Variants in BTBD9 observed in about 807,000 individuals in gnomAD.
BTBD9 encodes BTB/POZ domain-containing protein 9.
A neutral mutation model predicts 64.3 loss-of-function variants in BTBD9; 49 were observed. The observed-to-expected ratio is 0.76, with a 90% CI of 0.61 to 0.97. The LOEUF (loss-of-function observed/expected upper bound fraction) is 0.97, where lower values mean the gene tolerates loss of function less well. Among genes scored for constraint, BTBD9 ranks in the 50% least tolerant of loss-of-function variants. The pLI, the probability that BTBD9 is intolerant of heterozygous loss-of-function variation, is 0.00. For missense variants in BTBD9, 598 were observed against 762.1 expected (o/e 0.78, Z 2.53); for synonymous variants, 260 against 274.7 (o/e 0.95, Z 0.53).
intron 9 of BTBD9, among the ~76,000 whole-genome samples, chr6:38,219,160 G>A (rs12529640): frequency 3.0e-5 from 4 of 131,810 alleles, no homozygotes; most frequent in Non-Finnish European, 6.2e-5. Flanking sequence ...TTTTGAGACC[G>A]AGTCTTGCTC....
At chr6:38,409,179 G>A (rs918408159) in intron 6 of BTBD9, among the ~76,000 whole-genome samples, 1 of 152,184 alleles carries the variant, frequency 6.6e-6, no homozygotes, top group Non-Finnish European at 1.5e-5. Context: ...GAACTAGGGA[G>A]GTGGAGGTTG....
chr6:38,250,317 T>A (rs539497719), intron 9 of BTBD9, among the ~76,000 whole-genome samples: 10 of 152,330 alleles, frequency 6.6e-5, no homozygotes, highest in Non-Finnish European at 1.5e-4. Context: ...TTTAGAAGCT[T>A]CTGCAACGGA....
At chr6:38,498,435 T>C (rs1012985306) in intron 6 of BTBD9, among the ~76,000 whole-genome samples, 1 of 142,762 alleles carries the variant, frequency 7.0e-6, no homozygotes, top group Non-Finnish European at 1.5e-5. Flanking sequence ...TTTGTATGGT[T>C]CTATCTTTTT....
At chr6:38,581,021 C>T (rs1381697434) in intron 4 of BTBD9, among the ~76,000 whole-genome samples, 2 of 152,106 alleles carry the variant, frequency 1.3e-5, no homozygotes, top group Non-Finnish European at 1.5e-5. Context: ...AGTAAAACCC[C>T]GTCTCAACTA....
chr6:38,378,387 G>A (rs1765780368), intron 6 of BTBD9, among the ~76,000 whole-genome samples: 1 of 151,446 alleles, frequency 6.6e-6, no homozygotes, highest in Admixed American at 6.6e-5. Context: ...GGGATTGCAG[G>A]CACATATCAC....
intron 9 of BTBD9, among the ~76,000 whole-genome samples, chr6:38,234,052 A>C (rs1174856511): frequency 1.3e-5 from 2 of 152,350 alleles, no homozygotes; most frequent in East Asian, 3.9e-4. Flanking sequence ...GGATGTTAAT[A>C]TTTCATTAGG....
chr6:38,367,799 CAAAAAAAAAAAAAAAAAA>C (rs575025737), intron 6 of BTBD9, among the ~76,000 whole-genome samples: 9 of 84,336 alleles, frequency 1.1e-4, no homozygotes, highest in East Asian at 5.2e-4. Flanking sequence ...CCAGAAATGG[CAAAAAAAAAAAAAAAAAA>C]AAAAAAAAAA....
In BTBD9 at chr6:38,543,684, G is replaced by A. The variant is rs181251342; in HGVS notation, c.1154+33916C>T. Among the ~76,000 whole-genome samples, 443 of 152,246 alleles carry A rather than the reference G, an allele frequency of 2.9e-3. 5 individuals carry two copies. Among genetic ancestry groups the A allele is most frequent in the African/African-American group, 0.01 (421 of 41,530 alleles). ...AACCAAAAAACCTGCCCCGCCGGGC[G>A]CGGTGGCTCACGCCTGTAATCCTAG... On this transcript the variant is annotated intron_variant, in intron 6 of 10. Coordinates refer to ENST00000481247, the MANE Select transcript of BTBD9 (RefSeq NM_001099272.2).
At position 38,177,947 on chromosome 6, in the gene BTBD9, G is replaced by A. The variant is rs372147149; in HGVS notation, c.1642-2765C>T. On this transcript the variant is annotated intron_variant, in intron 10 of 10. Transcript: ENST00000481247. ...CTCTCCCTGATGCCACAGAGCTCACGGCAGGCCCTGCCATCAAGTTAGGGG... is the reference window on the plus strand; with the variant it reads ...CTCTCCCTGATGCCACAGAGCTCACAGCAGGCCCTGCCATCAAGTTAGGGG... Among the ~76,000 whole-genome samples the A allele has an allele frequency of 2.0e-5, 3 of 152,300 alleles. No individual in the cohort carries two copies. The South Asian group carries it at 6.2e-4, about 32-fold the overall frequency.
chr6:38,521,288 A>G (rs1157921460), intron 6 of BTBD9, among the ~76,000 whole-genome samples: 1 of 152,226 alleles, frequency 6.6e-6, no homozygotes, highest in East Asian at 1.9e-4. Context: ...TTACTATTAC[A>G]AGTTTAAGAA....
intron 8 of BTBD9, among the ~76,000 whole-genome samples, chr6:38,283,442 G>A (rs1295717363): frequency 1.3e-5 from 2 of 152,160 alleles, no homozygotes; most frequent in African/African-American, 4.8e-5. Context: ...GAGCCCAGGA[G>A]TTCGAGACCA....
chr6:38,222,574 GACA>G (rs1763249642), intron 9 of BTBD9, among the ~76,000 whole-genome samples: 1 of 151,980 alleles, frequency 6.6e-6, no homozygotes, highest in Non-Finnish European at 1.5e-5. Context: ...TTTAATAATA[GACA>G]ACATGAGATA....
chr6:38,468,635 C>T (rs1486468762), intron 6 of BTBD9, among the ~76,000 whole-genome samples: 1 of 152,128 alleles, frequency 6.6e-6, no homozygotes, highest in African/African-American at 2.4e-5. Flanking sequence ...AGGCAGAAAT[C>T]ATGTTTTATT....
Position 38,171,916 on chromosome 6 carries a change from G to T in BTBD9, c.*3069C>A, listed in dbSNP as rs1376704132. On this transcript the variant is annotated 3_prime_UTR_variant, in exon 11 of 11. Coordinates refer to ENST00000481247, the MANE Select transcript of BTBD9 (RefSeq NM_001099272.2). ...ATAATAATAATAATAATAATGAAAAGTGAAGGGTGGGGGTGCTGGCCACCT... is the reference window on the plus strand; with the variant it reads ...ATAATAATAATAATAATAATGAAAATTGAAGGGTGGGGGTGCTGGCCACCT... 2 of 126,776 alleles carry T rather than the reference G, an allele frequency of 1.6e-5. No individual in the cohort carries two copies. Among genetic ancestry groups the T allele is most frequent in the Non-Finnish European group, 3.3e-5 (2 of 60,428 alleles). The allele number at this position is 126,776 out of a possible 1,614,324, so 7.9% of individuals were successfully genotyped here.
At chr6:38,420,295 G>A (rs1332329394) in intron 6 of BTBD9, among the ~76,000 whole-genome samples, 1 of 152,174 alleles carries the variant, frequency 6.6e-6, no homozygotes, top group Admixed American at 6.5e-5. Context: ...TTAAGGACCA[G>A]TAGAAAACAA....
chr6:38,279,088 A>T (rs1761402503), intron 8 of BTBD9, among the ~76,000 whole-genome samples: 2 of 152,198 alleles, frequency 1.3e-5, no homozygotes, highest in South Asian at 4.1e-4. Flanking sequence ...GGCACCAACC[A>T]GCCTGTCATC....
At chr6:38,266,638 GAAAGAAAGAAAGAAAGAAAGAAAGA>G (rs1331523209) in intron 8 of BTBD9, among the ~76,000 whole-genome samples, 2 of 107,660 alleles carry the variant, frequency 1.9e-5, no homozygotes, top group Non-Finnish European at 3.7e-5. Flanking sequence ...AAGAAAGAAA[GAAAGAAAGAAAGAAAGAAAGAAAGA>G]AAGAAAGAAA....
At chr6:38,619,035 G>A (rs1436736659) in intron 1 of BTBD9, among the ~76,000 whole-genome samples, 3 of 152,154 alleles carry the variant, frequency 2.0e-5, no homozygotes, top group Non-Finnish European at 4.4e-5. Context: ...TTACGAAAAA[G>A]CCCATGAATT....
intron 6 of BTBD9, among the ~76,000 whole-genome samples, chr6:38,394,335 T>A (rs931338160): frequency 6.6e-6 from 1 of 152,118 alleles, no homozygotes; most frequent in African/African-American, 2.4e-5. Flanking sequence ...GTAAAAAGAA[T>A]GCTTCTCACA....
Sources: gnomAD v4.1 joint callset for allele counts (sites outside exome capture counted in the v4.1 genomes callset) on GRCh38, gnomAD v4.1.1 for gene constraint, MANE v1.5 for transcripts, NCBI Gene and HGNC (gene_info 2026-07-23, HGNC 2026-07-21) for gene names.